FOXJ2: variants seen among roughly 807,000 people sequenced by gnomAD.
The protein encoded by FOXJ2 is forkhead box protein J2.
Under a neutral mutation model 68.4 loss-of-function variants are expected in FOXJ2, and 18 were observed. That is an observed-to-expected ratio of 0.26 (90% CI 0.18 to 0.39). The LOEUF is 0.39. Ranked by LOEUF, FOXJ2 falls within the 10% of genes least tolerant of loss-of-function variation. The pLI, the probability that FOXJ2 is intolerant of heterozygous loss-of-function variation, is 1.00. For missense variants in FOXJ2, 670 were observed against 726.5 expected (o/e 0.92, Z 0.89); for synonymous variants, 274 against 263.2 (o/e 1.04, Z -0.40).
At chr12:8,047,732 G>A in intron 6 of FOXJ2, 150 bp from the exon 7 acceptor site, 1 of 1,036,684 alleles carries the variant, frequency 9.6e-7, no homozygotes, top group East Asian at 2.4e-5. Flanking sequence ...CCTGCCAGGA[G>A]GGCCACAGGG....
intron 6 of FOXJ2, among the ~76,000 whole-genome samples, chr12:8,047,059 C>A (rs1264469046): frequency 1.3e-5 from 2 of 152,078 alleles, no homozygotes; most frequent in Non-Finnish European, 2.9e-5. Context: ...TTCTTCCCAG[C>A]CTGTCTGCTT....
At chr12:8,036,192 T>G (rs767668704) in intron 1 of FOXJ2, among the ~76,000 whole-genome samples, 1 of 152,362 alleles carries the variant, frequency 6.6e-6, no homozygotes, top group South Asian at 2.1e-4. Flanking sequence ...CCTCATGTGC[T>G]ACACCTAGCC....
chr12:8,039,868 A>G lies in FOXJ2; in HGVS notation c.36A>G (p.Ile12Met). The change falls in exon 2 of 11, where the codon ATA becomes ATG. Residue 12 changes from isoleucine (I) to methionine (M), a missense_variant. Around this residue, in one of 2 missense-constraint regions of FOXJ2, gnomAD observed 115 missense variants for 164.3 expected, o/e 0.70. Coordinates refer to ENST00000162391, the MANE Select transcript of FOXJ2 (RefSeq NM_018416.3). The stretch of plus-strand genomic sequence containing the variant: ...ACCTAGAGAGTAGCCTCACCTCCAT[A>G]GACTGGCTCCCCCAGCTGACCCTCC... Reference protein sequence around the residue: ...ASDLESSLTSIDWLPQLTLRA... With the variant: ...ASDLESSLTSMDWLPQLTLRA... 1.2e-6 allele frequency: 2 copies of G among 1,614,124 alleles called. No homozygotes were observed. Among genetic ancestry groups the G allele is most frequent in the Non-Finnish European group, 1.7e-6 (2 of 1,180,026 alleles).
intron 3 of FOXJ2, 150 bp downstream of exon 3, chr12:8,042,882 G>A (rs1291494665): frequency 8.6e-6 from 6 of 699,130 alleles, no homozygotes; most frequent in Non-Finnish European, 1.4e-5. Context: ...AGGAAGCTTG[G>A]TTGTCAAGCT....
intron 1 of FOXJ2, among the ~76,000 whole-genome samples, chr12:8,034,771 G>A (rs115974173): frequency 6.6e-6 from 1 of 152,162 alleles, no homozygotes; most frequent in Non-Finnish European, 1.5e-5. Flanking sequence ...CCTGTTTCTT[G>A]TTCAGTTCTG....
In FOXJ2 at chr12:8,038,024, GC is replaced by G. The variant is rs1946918954; in HGVS notation, c.-14-1789del. 6.6e-6 allele frequency among the ~76,000 whole-genome samples: 1 copy of G among 152,274 alleles called. No homozygotes were observed. Among genetic ancestry groups the G allele is most frequent in the Admixed American group, 6.5e-5 (1 of 15,304 alleles). On this transcript the variant is annotated intron_variant, in intron 1 of 10. Transcript: ENST00000162391. The surrounding 1 kb of genome is among the most constrained non-coding windows in gnomAD (Gnocchi z 5.3). ...CATGACGCTATTTATAAACATGCCA[GC>G]CCCCCTCGCTCCGCCCCTTTTCTCC... is the stretch of plus-strand genomic sequence containing the variant.
At position 8,050,609 on chromosome 12, in the gene FOXJ2, A is replaced by G; in HGVS notation, c.1625A>G (p.Tyr542Cys). The G allele has an allele frequency of 1.2e-6, 2 of 1,614,046 alleles. No homozygotes were observed. The highest frequency in any genetic ancestry group is 1.7e-6 in the Non-Finnish European group (2 of 1,179,970). The part of the protein sequence containing the change: ...YPIPTQDSAG[Y>C]NRPAHHMVPR... ...ATCCCCACCCAGGACTCAGCAGGATACAATCGCCCAGGTAAGAGCTAAGAA... is the reference window on the plus strand; with the variant it reads ...ATCCCCACCCAGGACTCAGCAGGATGCAATCGCCCAGGTAAGAGCTAAGAA... The change falls in exon 10 of 11, where the codon TAC (tyrosine) becomes TGC (cysteine). Residue 542 changes from tyrosine to cysteine, a missense_variant. Physicochemically the swap from Tyr to Cys is radical, Grantham distance 194. Around this residue, in one of 2 missense-constraint regions of FOXJ2, gnomAD observed 555 missense variants for 562.2 expected, o/e 0.99. Coordinates refer to ENST00000162391, the MANE Select transcript of FOXJ2 (RefSeq NM_018416.3).
Position 8,040,225 on chromosome 12 carries a change from A to G in FOXJ2, c.333+60A>G. On this transcript the variant is annotated intron_variant, in intron 2 of 10. Transcript: ENST00000162391. This position sits in a 1 kb window ranked among gnomAD's most constrained non-coding sequence, Gnocchi z 4.0. ...GGCTTCAACAGCCTTTTTAGAGAAA[A>G]AGGTTTTGTTTCTTCTTGTAACCTG... 1 of 1,536,718 alleles carries G rather than the reference A, an allele frequency of 6.5e-7. No homozygotes were observed. The highest frequency in any genetic ancestry group is 8.9e-7 in the Non-Finnish European group (1 of 1,128,238).
rs1946852309 is a variant in FOXJ2, at chr12:8,032,794, G to C, written c.-1054G>C. The C allele has an allele frequency of 2.0e-5, 8 of 398,326 alleles. No individual in the cohort carries two copies. Among genetic ancestry groups the C allele is most frequent in the Non-Finnish European group, 2.7e-5 (6 of 226,046 alleles). The allele number at this position is 398,326 out of a possible 1,614,324, so 24.7% of individuals were successfully genotyped here. On this transcript the variant is annotated 5_prime_UTR_variant, in exon 1 of 11. Transcript: ENST00000162391. This position sits in a 1 kb window ranked among gnomAD's most constrained non-coding sequence, Gnocchi z 4.8. ...CGCCTTCTGGCTCCCCGGGAGCCCAGACTGGTCGGAGCCCGAGCGGTGGCA... is the reference window on the plus strand; with the variant it reads ...CGCCTTCTGGCTCCCCGGGAGCCCACACTGGTCGGAGCCCGAGCGGTGGCA...
At chr12:8,039,691 T>C in intron 1 of FOXJ2, 128 bp from the exon 2 acceptor site, 2 of 757,110 alleles carry the variant, frequency 2.6e-6, no homozygotes, top group South Asian at 3.5e-5. Context: ...TGGGAACACC[T>C]GGTGGAAGGC....
At chr12:8,049,313 G>T (rs752858401) in intron 8 of FOXJ2, 49 bp from the exon 9 acceptor site, 5 of 1,520,414 alleles carry the variant, frequency 3.3e-6, no homozygotes, top group Non-Finnish European at 3.6e-6. Flanking sequence ...GGTCTGATAG[G>T]GGCTTCCTAC....
At chr12:8,041,446 C>G (rs1437148550) in intron 2 of FOXJ2, among the ~76,000 whole-genome samples, 1 of 151,348 alleles carries the variant, frequency 6.6e-6, no homozygotes, top group Non-Finnish European at 1.5e-5. Context: ...CTCAAATGAT[C>G]CACCTCCTGC....
chr12:8,050,379 C>T (rs1162318490), intron 9 of FOXJ2, 143 bp from the exon 10 acceptor site: 1 of 1,406,600 alleles, frequency 7.1e-7, no homozygotes. Flanking sequence ...CTGCAGAAAG[C>T]CTTCATGCCT....
At chr12:8,043,604 G>C in intron 3 of FOXJ2, 97 bp from the exon 4 acceptor site, 1 of 1,247,964 alleles carries the variant, frequency 8.0e-7, no homozygotes, top group Non-Finnish European at 1.2e-6. Context: ...TACTCAGTGA[G>C]TTTCTAGGAC....
chr12:8,032,721 G>GGTGCC lies in FOXJ2; in HGVS notation c.-1126_-1125insTGCCG. On this transcript the variant is annotated 5_prime_UTR_variant, in exon 1 of 11. Coordinates refer to ENST00000162391, the MANE Select transcript of FOXJ2 (RefSeq NM_018416.3). This position sits in a 1 kb window ranked among gnomAD's most constrained non-coding sequence, Gnocchi z 4.8. Reference sequence around the variant, plus strand: ...CCGGGGAGGAGCCGGGGCCTGCAGCGGAGCCGAGCCGAGCCCGAGCCCGCG... The same window carrying GGTGCC: ...CCGGGGAGGAGCCGGGGCCTGCAGCGGTGCCGAGCCGAGCCGAGCCCGAGCCCGCG... 1 of 391,248 alleles carries GGTGCC rather than the reference G, an allele frequency of 2.6e-6. No homozygotes were observed. The highest frequency in any genetic ancestry group is 4.5e-6 in the Non-Finnish European group (1 of 221,364). 24.2% of individuals were successfully genotyped at this position (391,248 alleles called of 1,614,324 possible).
intron 2 of FOXJ2, among the ~76,000 whole-genome samples, chr12:8,041,069 A>G (rs1430341697): frequency 6.6e-6 from 1 of 152,224 alleles, no homozygotes; most frequent in Non-Finnish European, 1.5e-5. Flanking sequence ...TTGGAGCAGT[A>G]GCTCATTTGT....
At chr12:8,051,466 G>C (rs1452713585) in intron 10 of FOXJ2, among the ~76,000 whole-genome samples, 1 of 152,142 alleles carries the variant, frequency 6.6e-6, no homozygotes, top group Non-Finnish European at 1.5e-5. Flanking sequence ...AATAGTAAAA[G>C]GAAGTGAAAG....
At chr12:8,045,038 T>A in intron 6 of FOXJ2, 80 bp downstream of exon 6, 2 of 1,398,182 alleles carry the variant, frequency 1.4e-6, no homozygotes, top group Non-Finnish European at 2.0e-6. Context: ...TTTTTTCCCT[T>A]AGTTTTTTAT....
chr12:8,042,782 G>A, intron 3 of FOXJ2, 50 bp downstream of exon 3: 1 of 1,451,164 alleles, frequency 6.9e-7, no homozygotes, highest in Non-Finnish European at 9.7e-7. Flanking sequence ...GGAGAGTGAA[G>A]TAGTTGACAG....
Sources: allele counts gnomAD v4.1 joint callset (sites outside exome capture counted in the v4.1 genomes callset), GRCh38; gene constraint gnomAD v4.1.1; regional missense constraint gnomAD v4.1.1; non-coding constraint Gnocchi (gnomAD v3.1); transcripts MANE v1.5; gene names NCBI Gene and HGNC (gene_info 2026-07-23, HGNC 2026-07-21).